The following DNAH9 variants were observed in gnomAD, a reference collection of about 807,000 sequenced individuals.
DNAH9 encodes dynein axonemal heavy chain 9, also known as DNAH9 variant protein.
DNAH9 carries 345 observed loss-of-function variants against 471.6 expected under a neutral mutation model. The ratio of observed to expected loss-of-function variants is 0.73; its 90% CI spans 0.67 to 0.80. The LOEUF is 0.80. DNAH9 is among the 30% of genes least tolerant of loss of function. The pLI is 0.00. For missense variants in DNAH9, 5,407 were observed against 5,609.2 expected, an observed-to-expected ratio of 0.96 and a Z score of 1.15; for synonymous variants, 2,093 against 2,123.6, an observed-to-expected ratio of 0.99 and a Z score of 0.40.
Position 11,880,064 on chromosome 17 carries a change from A to G in DNAH9, c.10479-14A>G. On this transcript the variant is annotated splice_polypyrimidine_tract_variant and intron_variant, in intron 53 of 68. Coordinates refer to ENST00000262442, the MANE Select transcript of DNAH9 (RefSeq NM_001372.4). ...CACAGTCTCATACTCCCGGACTCAT[A>G]CTTGTTTCCCTAGCTACCTTCAAAT... 3 of 1,613,640 alleles carry G rather than the reference A, an allele frequency of 1.9e-6. No individual in the cohort carries two copies. The highest frequency in any genetic ancestry group is 1.7e-5 in the Admixed American group (1 of 59,998).
intron 45 of DNAH9, among the ~76,000 whole-genome samples, chr17:11,811,612 G>C (rs893604685): frequency 1.5e-4 from 23 of 152,108 alleles, no homozygotes; most frequent in Admixed American, 2.0e-4. Flanking sequence ...TCCAACCTCA[G>C]CTGTCCATCA....
chr17:11,671,523 C>T (rs990465859), intron 17 of DNAH9, among the ~76,000 whole-genome samples: 7 of 152,088 alleles, frequency 4.6e-5, no homozygotes, highest in African/African-American at 7.2e-5. Flanking sequence ...AGCTCTGGGG[C>T]ATAGAGGCTA....
At chr17:11,923,714 G>C (rs1019479553) in intron 61 of DNAH9, 100 bp from the exon 62 acceptor site, 1 of 1,465,002 alleles carries the variant, frequency 6.8e-7, no homozygotes, top group African/African-American at 1.4e-5. Flanking sequence ...GGGCATGCCC[G>C]TGTTTGAGGG....
chr17:11,631,703 C>G (rs914355710), intron 7 of DNAH9, among the ~76,000 whole-genome samples: 1 of 151,068 alleles, frequency 6.6e-6, no homozygotes, highest in African/African-American at 2.4e-5. Flanking sequence ...CCCTACAATA[C>G]AGTAAAACAA....
At chr17:11,869,363 G>T in intron 51 of DNAH9, 110 bp downstream of exon 51, 2 of 1,433,372 alleles carry the variant, frequency 1.4e-6, no homozygotes. Context: ...GACTTGGAGG[G>T]AAGTATTAAA....
At position 11,963,659 on chromosome 17, in the gene DNAH9, A is replaced by T. The variant is rs796381563; in HGVS notation, c.13233+1403A>T. On this transcript the variant is annotated intron_variant, in intron 68 of 68. Transcript: ENST00000262442. ...GTATCCCCTGTATCTAAGAGTTGAA[A>T]TTTTTTTTAAAAAAAAGAAACTAAA... Among the ~76,000 whole-genome samples the T allele has an allele frequency of 1.3e-3, 204 of 151,862 alleles. 2 individuals are homozygous for T. The highest frequency in any genetic ancestry group is 4.3e-3 in the African/African-American group (179 of 41,400).
intron 26 of DNAH9, among the ~76,000 whole-genome samples, chr17:11,715,981 A>G (rs1294188860): frequency 5.3e-5 from 8 of 152,112 alleles, no homozygotes; most frequent in Admixed American, 5.2e-4. Flanking sequence ...ATCCTAGAGC[A>G]GGGATATGTC....
chr17:11,679,332 GC>G (rs2074096147), intron 17 of DNAH9, among the ~76,000 whole-genome samples: 1 of 152,168 alleles, frequency 6.6e-6, no homozygotes. Flanking sequence ...TTTTCACAAA[GC>G]AATGCTATCG....
intron 42 of DNAH9, among the ~76,000 whole-genome samples, chr17:11,797,067 G>A (rs1969271336): frequency 6.6e-6 from 1 of 152,154 alleles, no homozygotes; most frequent in African/African-American, 2.4e-5. Context: ...TCACCTGAGG[G>A]TGGCTAGTAG....
chr17:11,784,184 A>G, intron 40 of DNAH9, 116 bp from the exon 41 acceptor site: 1 of 1,514,386 alleles, frequency 6.6e-7, no homozygotes, highest in Admixed American at 1.9e-5. Context: ...GAGAGATGGG[A>G]CCAAAATATA....
At chr17:11,625,199 C>A (rs1010797) in intron 6 of DNAH9, among the ~76,000 whole-genome samples, 62,164 of 151,986 alleles carry the variant, frequency 0.41, 15,528 homozygotes, top group African/African-American at 0.71. Context: ...AGCACCTTGG[C>A]GAGAACTCTC....
chr17:11,742,251 C>T lies in DNAH9; in HGVS notation c.6049C>T (p.Gln2017Ter), dbSNP rs754288949. The T allele has an allele frequency of 6.2e-7, 1 of 1,614,048 alleles. No individual in the cohort carries two copies. Among genetic ancestry groups the T allele is most frequent in the South Asian group, 1.1e-5 (1 of 91,082 alleles). ...MLVAEGFIEAQSLARKFITLY... is the reference protein window; with the variant it reads ...MLVAEGFIEA ...GGTGGCAGAAGGATTCATTGAAGCC[C>T]AGTCATTAGCCAGAAAGTTCATCAC... Residue 2017 changes from glutamine (Q) to a stop codon, truncating the protein, a stop_gained, in exon 30 of 69, where the codon CAG becomes TAG. Transcript: ENST00000262442. LOFTEE classifies it high-confidence loss of function.
At chr17:11,702,074 T>C (rs2150774042) in intron 24 of DNAH9, among the ~76,000 whole-genome samples, 1 of 152,262 alleles carries the variant, frequency 6.6e-6, no homozygotes, top group African/African-American at 2.4e-5. Context: ...GCATATGATA[T>C]GAAAGCTGAG....
In DNAH9 at chr17:11,878,158, C is replaced by T. The variant is rs79426631; in HGVS notation, c.10479-1920C>T. On this transcript the variant is annotated intron_variant, in intron 53 of 68. Coordinates refer to ENST00000262442, the MANE Select transcript of DNAH9 (RefSeq NM_001372.4). ...AATGCATTTTAGACAGGTGTATGTTCTTTTTGCTCATTGCAGTGTCCCTAG... is the reference window on the plus strand; with the variant it reads ...AATGCATTTTAGACAGGTGTATGTTTTTTTTGCTCATTGCAGTGTCCCTAG... 4.9e-3 allele frequency among the ~76,000 whole-genome samples: 745 copies of T among 152,326 alleles called. 6 individuals carry two copies. Among genetic ancestry groups the T allele is most frequent in the African/African-American group, 0.017 (718 of 41,578 alleles).
intron 23 of DNAH9, 29 bp downstream of exon 23, chr17:11,699,912 T>C: frequency 1.9e-6 from 3 of 1,611,308 alleles, no homozygotes; most frequent in Non-Finnish European, 2.5e-6. Flanking sequence ...CCCCTCCTTC[T>C]GCTTTTCTCT....
At chr17:11,683,157 A>ACTAATATTTT (rs1276279703) in intron 19 of DNAH9, among the ~76,000 whole-genome samples, 2 of 152,122 alleles carry the variant, frequency 1.3e-5, no homozygotes, top group African/African-American at 4.8e-5. Context: ...TTGCACCAAC[A>ACTAATATTTT]GTCTCTCTCT....
At chr17:11,774,263 T>C (rs1049255493) in intron 38 of DNAH9, among the ~76,000 whole-genome samples, 2 of 152,166 alleles carry the variant, frequency 1.3e-5, no homozygotes, top group African/African-American at 4.8e-5. Flanking sequence ...GTTTACACTC[T>C]TGAAACAAAT....
chr17:11,906,203 C>G (rs1973591194), intron 61 of DNAH9, among the ~76,000 whole-genome samples: 1 of 152,116 alleles, frequency 6.6e-6, no homozygotes, highest in Admixed American at 6.5e-5. Flanking sequence ...TGATTATATA[C>G]CCAAAGGAAT....
chr17:11,879,193 C>T (rs1215388580), intron 53 of DNAH9, among the ~76,000 whole-genome samples: 5 of 151,864 alleles, frequency 3.3e-5, no homozygotes, highest in East Asian at 1.9e-4. Context: ...AATGAGAGGG[C>T]GGGGTAGGAG....
Sources: allele counts gnomAD v4.1 joint callset (sites outside exome capture counted in the v4.1 genomes callset), GRCh38; gene constraint gnomAD v4.1.1; transcripts MANE v1.5; gene names NCBI Gene and HGNC (gene_info 2026-07-23, HGNC 2026-07-21).